NEFH: variants seen among roughly 807,000 people sequenced by gnomAD.
The protein encoded by NEFH is neurofilament heavy chain.
NEFH carries 58 observed loss-of-function variants against 56.6 expected under a neutral mutation model. The observed-to-expected ratio is 1.03, with a 90% CI of 0.83 to 1.28. The LOEUF (loss-of-function observed/expected upper bound fraction) is 1.28, where lower values mean the gene tolerates loss of function less well. NEFH is among the 50% of genes most tolerant of loss of function. The pLI is 0.00. For synonymous variants in NEFH, 542 were observed against 545.8 expected (o/e 0.99, Z 0.10); for missense variants, 1,221 against 1,307.6 (o/e 0.93, Z 1.02).
rs2063041046 is a variant in NEFH at position 29,485,812 on chromosome 22, C to G, written c.1173C>G (p.Val391=). 2 of 1,614,056 alleles carry G rather than the reference C, an allele frequency of 1.2e-6. No individual in the cohort carries two copies. The highest frequency in any genetic ancestry group is 1.7e-5 in the Admixed American group (1 of 59,994). ...GAGAATACCAGGACCTGCTCAATGTCAAGATGGCTCTGGATATAGAGATAG... is the reference window on the plus strand; with the variant it reads ...GAGAATACCAGGACCTGCTCAATGTGAAGATGGCTCTGGATATAGAGATAG... ...QLREYQDLLN[V]KMALDIEIAA... is the part of the protein sequence containing the mutation. The change falls in exon 3 of 4, where the codon GTC becomes GTG. Residue 391 remains valine (V), a synonymous_variant. Coordinates refer to ENST00000310624, the MANE Select transcript of NEFH (RefSeq NM_021076.4).
At chr22:29,481,294 A>C in intron 1 of NEFH, 149 bp downstream of exon 1, 2 of 774,918 alleles carry the variant, frequency 2.6e-6, no homozygotes, top group Non-Finnish European at 2.0e-6. Flanking sequence ...CCCTAGTTAA[A>C]TCGCAGTTTT....
Position 29,481,099 on chromosome 22 carries a change from A to G in NEFH, c.837A>G (p.Glu279=), listed in dbSNP as rs1276406861. Residue 279 remains glutamate, a synonymous_variant, in exon 1 of 4, where the codon GAA becomes GAG. Coordinates refer to ENST00000310624, the MANE Select transcript of NEFH (RefSeq NM_021076.4). ...SALREIRAQL[E]GHAVQSTLQS... is the part of the protein sequence containing the mutation. ...TGCGCGAGATTCGCGCGCAGCTTGAAGGCCACGCGGTGCAGAGCACGCTGC... is the reference window on the plus strand; with the variant it reads ...TGCGCGAGATTCGCGCGCAGCTTGAGGGCCACGCGGTGCAGAGCACGCTGC... 1 of 1,531,366 alleles carries G rather than the reference A, an allele frequency of 6.5e-7. No individual in the cohort carries two copies. The highest frequency in any genetic ancestry group is 2.5e-5 in the East Asian group (1 of 40,702). The allele number at this position is 1,531,366 out of a possible 1,614,324, so 94.9% of individuals were successfully genotyped here.
At position 29,490,376 on chromosome 22, in the gene NEFH, C is replaced by T; in HGVS notation, c.2736C>T (p.Ala912=). 6.2e-7 allele frequency: 1 copy of T among 1,613,220 alleles called. No individual in the cohort carries two copies. The highest frequency in any genetic ancestry group is 8.5e-7 in the Non-Finnish European group (1 of 1,179,770). The change falls in exon 4 of 4, where the codon GCC becomes GCT. Residue 912 remains alanine, a synonymous_variant. Coordinates refer to ENST00000310624, the MANE Select transcript of NEFH (RefSeq NM_021076.4). ...KVPTPEKEAP[A]KVEVKEDAKP... is the part of the protein sequence containing the mutation. Reference sequence around the variant, plus strand: ...CCACCCCAGAGAAGGAGGCTCCTGCCAAGGTGGAGGTGAAGGAAGACGCTA... The same window carrying T: ...CCACCCCAGAGAAGGAGGCTCCTGCTAAGGTGGAGGTGAAGGAAGACGCTA...
In NEFH at chr22:29,490,588, C is replaced by G. The variant is rs745861818; in HGVS notation, c.2948C>G (p.Ser983Ter). Residue 983 changes from serine (S) to a stop codon, truncating the protein, a stop_gained, in exon 4 of 4, where the codon TCA (serine) becomes TGA (stop). Coordinates refer to ENST00000310624, the MANE Select transcript of NEFH (RefSeq NM_021076.4). LOFTEE classifies it high-confidence loss of function. ...GCCAAGGAAGATGACAAGACCCTCT[C>G]AAAAGAGCCTAGCAAGCCTAAGGCA... is the stretch of plus-strand genomic sequence containing the variant. Reference protein sequence around the residue: ...AKAKEDDKTLSKEPSKPKAEK... With the variant: ...AKAKEDDKTL 6.2e-7 allele frequency: 1 copy of G among 1,614,052 alleles called. No individual in the cohort carries two copies. The highest frequency in any genetic ancestry group is 8.5e-7 in the Non-Finnish European group (1 of 1,180,008).
chr22:29,490,309 T>G lies in NEFH; in HGVS notation c.2669T>G (p.Val890Gly), dbSNP rs1365000362. 3.1e-6 allele frequency: 5 copies of G among 1,611,362 alleles called. No homozygotes were observed. The highest frequency in any genetic ancestry group is 1.3e-5 in the African/African-American group (1 of 74,390). ...GTCGAAAAGCCCAAAGAATCCAAAGTTGAAGCCAAGAAGGAAGAGGCTGAA... is the reference window on the plus strand; with the variant it reads ...GTCGAAAAGCCCAAAGAATCCAAAGGTGAAGCCAAGAAGGAAGAGGCTGAA... ...PAVEKPKESK[V>G]EAKKEEAEDK... The change falls in exon 4 of 4, where the codon GTT (valine) becomes GGT (glycine). Residue 890 changes from valine (V) to glycine (G), a missense_variant. Val to Gly is a moderately radical substitution (Grantham distance 109). This residue lies in a region of NEFH where 301 missense variants were observed against 346.6 expected (regional missense o/e 0.87). Coordinates refer to ENST00000310624, the MANE Select transcript of NEFH (RefSeq NM_021076.4).
At chr22:29,486,518 T>C (rs1375089323) in intron 3 of NEFH, among the ~76,000 whole-genome samples, 1 of 133,948 alleles carries the variant, frequency 7.5e-6, no homozygotes, top group Non-Finnish European at 1.6e-5. Context: ...GAGACATGAG[T>C]CTTTTTTTTT....
Position 29,480,267 on chromosome 22 carries a change from T to A in NEFH, c.5T>A (p.Met2Lys). M[M>K]SFGGADALLG... is the part of the protein sequence containing the mutation. ...CCTCGCGCACCTGCTCAGGCCATGATGAGCTTCGGCGGCGCGGACGCGCTG... is the reference window on the plus strand; with the variant it reads ...CCTCGCGCACCTGCTCAGGCCATGAAGAGCTTCGGCGGCGCGGACGCGCTG... Residue 2 changes from methionine (M) to lysine (K), a missense_variant, in exon 1 of 4, where the codon ATG becomes AAG. Transcript: ENST00000310624. 1 of 1,511,274 alleles carries A rather than the reference T, an allele frequency of 6.6e-7. No individual in the cohort carries two copies. The highest frequency in any genetic ancestry group is 8.8e-7 in the Non-Finnish European group (1 of 1,138,484). 93.6% of individuals were successfully genotyped at this position (1,511,274 alleles called of 1,614,324 possible). A position where few individuals can be genotyped will look rare whatever the true frequency, so the allele number is the denominator to read the frequency against.
intron 1 of NEFH, among the ~76,000 whole-genome samples, chr22:29,482,566 G>A (rs1470459859): frequency 1.3e-5 from 2 of 152,184 alleles, no homozygotes; most frequent in African/African-American, 4.8e-5. Flanking sequence ...TGGACTGTGC[G>A]CAGAAACCTG....
intron 3 of NEFH, among the ~76,000 whole-genome samples, chr22:29,488,225 G>A (rs1335589793): frequency 1.3e-5 from 2 of 152,094 alleles, no homozygotes; most frequent in African/African-American, 2.4e-5. Context: ...TTAACTGGAC[G>A]TGGTGGCGTG....
rs1473858238 is a variant in NEFH, at chr22:29,480,936, A to T, written c.674A>T (p.Glu225Val). The change falls in exon 1 of 4, where the codon GAG (glutamate) becomes GTG (valine). Residue 225 changes from glutamate to valine, a missense_variant. This residue lies in a region of NEFH where 640 missense variants were observed against 555.5 expected (regional missense o/e 1.15). Transcript: ENST00000310624. The stretch of plus-strand genomic sequence containing the variant: ...CAGAAGAAGGCGCAGGCGCTGCAGG[A>T]GGAGTGCGGCTACCTGCGGCGCCAC... The part of the protein sequence containing the change: ...DLQKKAQALQ[E>V]ECGYLRRHHQ... 1 of 1,528,738 alleles carries T rather than the reference A, an allele frequency of 6.5e-7. No homozygotes were observed. The highest frequency in any genetic ancestry group is 2.5e-5 in the East Asian group (1 of 40,094). 94.7% of individuals were successfully genotyped at this position (1,528,738 alleles called of 1,614,324 possible).
Position 29,490,600 on chromosome 22 carries a change from G to A in NEFH, c.2960G>A (p.Ser987Asn), listed in dbSNP as rs1281023182. The change falls in exon 4 of 4, where the codon AGC becomes AAC. Residue 987 changes from serine (S) to asparagine (N), a missense_variant. By Grantham distance (46) the Ser-to-Asn change is conservative. This residue lies in a region of NEFH where 301 missense variants were observed against 346.6 expected (regional missense o/e 0.87). Transcript: ENST00000310624. ...GACAAGACCCTCTCAAAAGAGCCTA[G>A]CAAGCCTAAGGCAGAAAAGGCTGAA... ...EDDKTLSKEP[S>N]KPKAEKAEKS... The A allele has an allele frequency of 1.2e-6, 2 of 1,613,962 alleles. No homozygotes were observed. The highest frequency in any genetic ancestry group is 1.3e-5 in the African/African-American group (1 of 74,920).
chr22:29,486,266 C>T (rs1331594858), intron 3 of NEFH, among the ~76,000 whole-genome samples: 1 of 151,978 alleles, frequency 6.6e-6, no homozygotes, highest in Non-Finnish European at 1.5e-5. Flanking sequence ...CTCAAGCCCT[C>T]TGCCCACCTC....
rs866728084 is a variant in NEFH at position 29,490,275 on chromosome 22, G to A, written c.2635G>A (p.Glu879Lys). Residue 879 changes from glutamate to lysine, a missense_variant, in exon 4 of 4, where the codon GAA becomes AAA. Physicochemically the swap from Glu to Lys is moderately conservative, Grantham distance 56. Coordinates refer to ENST00000310624, the MANE Select transcript of NEFH (RefSeq NM_021076.4). ...APKPKVEEKK[E>K]PAVEKPKESK... ...AAAGCCCAAGGTGGAGGAGAAGAAG[G>A]AACCTGCTGTCGAAAAGCCCAAAGA... is the stretch of plus-strand genomic sequence containing the variant. The A allele has an allele frequency of 6.2e-7, 1 of 1,612,570 alleles. No homozygotes were observed. The highest frequency in any genetic ancestry group is 1.1e-5 in the South Asian group (1 of 90,870).
rs140814097 is a variant in NEFH at position 29,483,827 on chromosome 22, TTTTATTTA to T, written c.1083+285_1083+292del. Among the ~76,000 whole-genome samples the T allele has an allele frequency of 0.25, 33,857 of 136,340 alleles. 4,881 individuals are homozygous for T. The highest frequency in any genetic ancestry group is 0.45 in the South Asian group (1,881 of 4,214). 89.4% of individuals were successfully genotyped at this position (136,340 alleles called of 152,430 possible). On this transcript the variant is annotated intron_variant, in intron 2 of 3. Coordinates refer to ENST00000310624, the MANE Select transcript of NEFH (RefSeq NM_021076.4). ...AGCTGGAAAGATTAAAGAGATAGAC[TTTTATTTA>T]TTTATTTATTTATTTATTTATTTAT... is the stretch of plus-strand genomic sequence containing the variant.
rs191972471 is a variant in NEFH, at chr22:29,490,724, C to G, written c.*21C>G. ...AGTAAGGCAGGGAGAAAGGAACATC[C>G]GGAACAGCCAAAGAAACTCAGAAGA... On this transcript the variant is annotated 3_prime_UTR_variant, in exon 4 of 4. Transcript: ENST00000310624. 4.3e-6 allele frequency: 7 copies of G among 1,613,708 alleles called. No individual in the cohort carries two copies. The highest frequency in any genetic ancestry group is 1.7e-5 in the Admixed American group (1 of 59,944).
chr22:29,483,883 T>C (rs1183334214), intron 2 of NEFH, among the ~76,000 whole-genome samples: 2 of 149,846 alleles, frequency 1.3e-5, no homozygotes, highest in South Asian at 4.2e-4. Flanking sequence ...GGAGTCTCAC[T>C]CTGTTGCCCA....
chr22:29,488,057 C>A (rs934964619), intron 3 of NEFH, among the ~76,000 whole-genome samples: 5 of 152,010 alleles, frequency 3.3e-5, no homozygotes, highest in Admixed American at 2.6e-4. Flanking sequence ...CCTCTTAAAC[C>A]CAAATTTATA....
intron 1 of NEFH, among the ~76,000 whole-genome samples, chr22:29,482,210 C>T (rs2063015462): frequency 6.6e-6 from 1 of 152,112 alleles, no homozygotes; most frequent in Non-Finnish European, 1.5e-5. Context: ...GCAGAACCAT[C>T]CCCTCCTCCA....
At chr22:29,484,927 C>T (rs553558060) in intron 2 of NEFH, among the ~76,000 whole-genome samples, 17 of 152,192 alleles carry the variant, frequency 1.1e-4, no homozygotes, top group East Asian at 9.7e-4. Context: ...CTTGTACTTC[C>T]GGGCTCAAGT....
Sources: allele counts gnomAD v4.1 joint callset (sites outside exome capture counted in the v4.1 genomes callset), GRCh38; gene constraint gnomAD v4.1.1; regional missense constraint gnomAD v4.1.1; transcripts MANE v1.5; gene names NCBI Gene and HGNC (gene_info 2026-07-23, HGNC 2026-07-21).